FAM219A: variants seen among roughly 807,000 people sequenced by gnomAD.
FAM219A encodes protein FAM219A.
FAM219A carries 7 observed loss-of-function variants against 23.4 expected under a neutral mutation model. That is an observed-to-expected ratio of 0.30 (90% confidence interval 0.17 to 0.56). FAM219A has a LOEUF of 0.56. Among genes scored for constraint, FAM219A ranks in the 20% least tolerant of loss-of-function variants. The pLI is 0.92. For synonymous variants in FAM219A, 93 were observed against 99.0 expected, an observed-to-expected ratio of 0.94 and a Z score of 0.36; for missense variants, 166 against 246.9, an observed-to-expected ratio of 0.67 and a Z score of 2.20.
chr9:34,445,777 G>T (rs187372942), intron 1 of FAM219A, among the ~76,000 whole-genome samples: 5 of 152,298 alleles, frequency 3.3e-5, no homozygotes, highest in Admixed American at 1.3e-4. Flanking sequence ...TACCTTTCTG[G>T]GAGTCTGCTT....
At chr9:34,438,784 CA>C (rs1385293970) in intron 1 of FAM219A, among the ~76,000 whole-genome samples, 2 of 152,212 alleles carry the variant, frequency 1.3e-5, no homozygotes. Context: ...TGGGCTCTAC[CA>C]ATCAGCAGGA....
At chr9:34,421,702 C>T (rs1163980453) in intron 1 of FAM219A, among the ~76,000 whole-genome samples, 2 of 152,006 alleles carry the variant, frequency 1.3e-5, no homozygotes, top group African/African-American at 2.4e-5. Context: ...CCACAGCCTC[C>T]CCCACCCCCA....
intron 1 of FAM219A, among the ~76,000 whole-genome samples, chr9:34,419,653 CA>C (rs1822181752): frequency 1.3e-5 from 2 of 152,154 alleles, no homozygotes; most frequent in Admixed American, 6.6e-5. Flanking sequence ...TTGTCTGGGC[CA>C]GATTGACGTG....
At chr9:34,412,089 T>C (rs1025877460) in intron 1 of FAM219A, among the ~76,000 whole-genome samples, 7 of 152,078 alleles carry the variant, frequency 4.6e-5, no homozygotes, top group Non-Finnish European at 1.0e-4. Context: ...CAATGAAGCC[T>C]TAAGCAGGGA....
rs1433043606 is a variant in FAM219A at position 34,400,834 on chromosome 9, G to A, written c.*130C>T. On this transcript the variant is annotated 3_prime_UTR_variant, in exon 6 of 6. Transcript: ENST00000651358. ...CCTACCATAGGAGGAAGCAATGACT[G>A]TTATACGAGGTTGGCGGCTGTAGGG... is the stretch of plus-strand genomic sequence containing the variant. 3.2e-6 allele frequency: 3 copies of A among 927,308 alleles called. No individual in the cohort carries two copies. Among genetic ancestry groups the A allele is most frequent in the South Asian group, 1.8e-5 (1 of 54,442 alleles). The allele number at this position is 927,308 out of a possible 1,614,324, so 57.4% of individuals were successfully genotyped here. A position where few individuals can be genotyped will look rare whatever the true frequency, so the allele number is the denominator to read the frequency against.
chr9:34,447,844 T>C (rs1823425883), intron 1 of FAM219A, among the ~76,000 whole-genome samples: 1 of 152,104 alleles, frequency 6.6e-6, no homozygotes, highest in Admixed American at 6.6e-5. Context: ...AAACCAGTGC[T>C]GAAGATCAAG....
At chr9:34,421,041 A>AGAGAGAGAGAGAGG (rs1243922689) in intron 1 of FAM219A, among the ~76,000 whole-genome samples, 58 of 150,150 alleles carry the variant, frequency 3.9e-4, no homozygotes, top group Non-Finnish European at 1.2e-4. Flanking sequence ...AGAGAGAGAG[A>AGAGAGAGAGAGAGG]GAGAATGGCT....
chr9:34,418,673 C>T (rs1406259806), intron 1 of FAM219A, among the ~76,000 whole-genome samples: 1 of 152,206 alleles, frequency 6.6e-6, no homozygotes, highest in African/African-American at 2.4e-5. Context: ...CTTTGAACCC[C>T]ACATCACCCT....
intron 1 of FAM219A, among the ~76,000 whole-genome samples, chr9:34,418,400 T>A (rs1195404950): frequency 6.6e-6 from 1 of 152,142 alleles, no homozygotes; most frequent in Non-Finnish European, 1.5e-5. Flanking sequence ...GGAGATAGGA[T>A]AAATACCTCA....
At chr9:34,437,571 G>A (rs994931743) in intron 1 of FAM219A, among the ~76,000 whole-genome samples, 1 of 152,236 alleles carries the variant, frequency 6.6e-6, no homozygotes, top group African/African-American at 2.4e-5. Flanking sequence ...TTAAGAGCAT[G>A]GCCTTAAAGA....
chr9:34,418,603 C>T (rs1032616869), intron 1 of FAM219A, among the ~76,000 whole-genome samples: 1 of 152,234 alleles, frequency 6.6e-6, no homozygotes, highest in African/African-American at 2.4e-5. Flanking sequence ...TCCTGCCTTA[C>T]ATTTGGACCA....
chr9:34,413,935 T>G (rs934981985), intron 1 of FAM219A, among the ~76,000 whole-genome samples: 1 of 152,222 alleles, frequency 6.6e-6, no homozygotes, highest in Non-Finnish European at 1.5e-5. Context: ...CACAAATTTA[T>G]CCATTGGTCA....
At chr9:34,401,597 C>T in intron 5 of FAM219A, 69 bp downstream of exon 5, 1 of 1,548,076 alleles carries the variant, frequency 6.5e-7, no homozygotes, top group Non-Finnish European at 8.8e-7. Context: ...GGCATTGGCC[C>T]CAGCCCTCCC....
intron 1 of FAM219A, among the ~76,000 whole-genome samples, chr9:34,430,979 G>T (rs1004467685): frequency 6.6e-6 from 1 of 152,230 alleles, no homozygotes; most frequent in African/African-American, 2.4e-5. Flanking sequence ...GTCCTTGGAG[G>T]CTCTGGGCAA....
intron 1 of FAM219A, among the ~76,000 whole-genome samples, chr9:34,456,883 T>C (rs1564022249): frequency 6.6e-6 from 1 of 152,174 alleles, no homozygotes; most frequent in Admixed American, 6.5e-5. Flanking sequence ...TGATTCTCTC[T>C]ACCATCCCTC....
At chr9:34,402,510 T>C (rs747053180) in intron 3 of FAM219A, 43 bp from the exon 4 acceptor site, 13 of 1,612,842 alleles carry the variant, frequency 8.1e-6, no homozygotes, top group Admixed American at 1.7e-5. Context: ...AAGTGGAGCA[T>C]AGAAACCTGG....
chr9:34,416,808 A>ATTTT (rs781741211), intron 1 of FAM219A, among the ~76,000 whole-genome samples: 2 of 113,638 alleles, frequency 1.8e-5, no homozygotes, highest in African/African-American at 6.9e-5. Context: ...TCAGCTCTCC[A>ATTTT]TTTTTTTTTT....
chr9:34,438,211 C>T (rs1055758347), intron 1 of FAM219A, among the ~76,000 whole-genome samples: 2 of 152,236 alleles, frequency 1.3e-5, no homozygotes, highest in African/African-American at 2.4e-5. Flanking sequence ...CCTCCCACCC[C>T]TCCATGGGCT....
intron 1 of FAM219A, chr9:34,406,592 T>C (rs1014158743): frequency 3.6e-6 from 2 of 560,538 alleles, no homozygotes; most frequent in Non-Finnish European, 4.5e-6. Flanking sequence ...CTAGGTACAG[T>C]AGGTGAGAAG....
Sources: gnomAD v4.1 joint callset for allele counts (sites outside exome capture counted in the v4.1 genomes callset) on GRCh38, gnomAD v4.1.1 for gene constraint, MANE v1.5 for transcripts, NCBI Gene and HGNC (gene_info 2026-07-23, HGNC 2026-07-21) for gene names.